Variants in NLGN1 observed in about 807,000 individuals in gnomAD.
The protein encoded by NLGN1 is neuroligin-1.
Under a neutral mutation model 65.5 loss-of-function variants are expected in NLGN1, and 12 were observed. The ratio of observed to expected loss-of-function variants is 0.18; its 90% CI spans 0.12 to 0.30. The LOEUF is 0.30. NLGN1 is among the 10% of genes least tolerant of loss of function. The probability of loss-of-function intolerance (pLI) is 1.00; values close to 1 mark genes in which losing one functional copy is unlikely to be tolerated. For missense variants in NLGN1, 750 were observed against 1,007.1 expected, an observed-to-expected ratio of 0.74 and a Z score of 3.46; for synonymous variants, 350 against 359.5, an observed-to-expected ratio of 0.97 and a Z score of 0.30.
At chr3:174,088,550 A>G (rs1007181959) in intron 4 of NLGN1, among the ~76,000 whole-genome samples, 8 of 151,914 alleles carry the variant, frequency 5.3e-5, no homozygotes, top group African/African-American at 1.9e-4. Flanking sequence ...AGGTCGGGAG[A>G]TTGAGACCAT....
At chr3:173,900,908 A>G (rs1281782525) in intron 4 of NLGN1, among the ~76,000 whole-genome samples, 1 of 152,034 alleles carries the variant, frequency 6.6e-6, no homozygotes, top group Non-Finnish European at 1.5e-5. Flanking sequence ...ACTAGCAATT[A>G]TGAAATGACG....
chr3:173,901,774 T>A (rs1047199536), intron 4 of NLGN1, among the ~76,000 whole-genome samples: 4 of 152,050 alleles, frequency 2.6e-5, no homozygotes, highest in Admixed American at 2.6e-4. Flanking sequence ...GCTGTTGAAT[T>A]TTATTGATTT....
At chr3:174,076,720 AGAGAGTGTGTGTGTGT>A (rs1741050544) in intron 4 of NLGN1, among the ~76,000 whole-genome samples, 2 of 114,838 alleles carry the variant, frequency 1.7e-5, no homozygotes, top group African/African-American at 8.1e-5. Context: ...AGAGAGAGAG[AGAGAGTGTGTGTGTGT>A]GTGTGTGTGT....
At chr3:174,125,248 G>C (rs536828958) in intron 4 of NLGN1, among the ~76,000 whole-genome samples, 1 of 152,206 alleles carries the variant, frequency 6.6e-6, no homozygotes, top group South Asian at 2.1e-4. Context: ...TGAAGAAAAA[G>C]AAAGTAAGAC....
intron 4 of NLGN1, among the ~76,000 whole-genome samples, chr3:173,898,166 T>G (rs1019978451): frequency 2.0e-5 from 3 of 152,218 alleles, no homozygotes; most frequent in Non-Finnish European, 4.4e-5. Context: ...AGACCTTGAA[T>G]TGTAAGTTGT....
At chr3:174,021,214 A>T (rs1193565927) in intron 4 of NLGN1, among the ~76,000 whole-genome samples, 1 of 152,052 alleles carries the variant, frequency 6.6e-6, no homozygotes, top group Non-Finnish European at 1.5e-5. Context: ...AGCTAAATAT[A>T]TTAGCTGGCT....
intron 2 of NLGN1, among the ~76,000 whole-genome samples, chr3:173,578,018 C>G (rs143734149): frequency 1.3e-5 from 2 of 152,016 alleles, no homozygotes; most frequent in African/African-American, 4.8e-5. Context: ...AGGTGGATCA[C>G]GAGGTCAGGA....
At chr3:174,077,542 CTTTCT>C (rs1317051137) in intron 4 of NLGN1, among the ~76,000 whole-genome samples, 1 of 151,258 alleles carries the variant, frequency 6.6e-6, no homozygotes, top group African/African-American at 2.4e-5. Flanking sequence ...TTCTTTCTTT[CTTTCT>C]TTTCTTTTTA....
intron 4 of NLGN1, among the ~76,000 whole-genome samples, chr3:173,926,159 A>AT (rs1013397532): frequency 3.6e-4 from 55 of 151,158 alleles, no homozygotes; most frequent in East Asian, 3.5e-3. Flanking sequence ...TTTAAATAGT[A>AT]TTTTTTTTTC....
chr3:173,531,771 C>T (rs1736615988), intron 2 of NLGN1, among the ~76,000 whole-genome samples: 1 of 152,092 alleles, frequency 6.6e-6, no homozygotes, highest in Admixed American at 6.6e-5. Flanking sequence ...AAAGCTCTAC[C>T]TTACATTTGA....
intron 2 of NLGN1, among the ~76,000 whole-genome samples, chr3:173,477,147 G>A (rs1239543432): frequency 6.6e-6 from 1 of 152,110 alleles, no homozygotes; most frequent in African/African-American, 2.4e-5. Flanking sequence ...GTCATTTCTA[G>A]TAACAATGTA....
downstream of NLGN1, among the ~76,000 whole-genome samples, chr3:174,289,621 C>T (rs557396310): frequency 1.8e-3 from 276 of 151,222 alleles, 3 homozygotes; most frequent in Middle Eastern, 0.02. Flanking sequence ...AAATAATTCT[C>T]ACACCAATCA....
At chr3:174,082,270 T>C (rs1306429679) in intron 4 of NLGN1, among the ~76,000 whole-genome samples, 1 of 152,178 alleles carries the variant, frequency 6.6e-6, no homozygotes, top group Non-Finnish European at 1.5e-5. Context: ...TTGACATGAC[T>C]ACCCAGCACT....
At chr3:173,562,393 C>T (rs1225419268) in intron 2 of NLGN1, among the ~76,000 whole-genome samples, 1 of 151,978 alleles carries the variant, frequency 6.6e-6, no homozygotes, top group East Asian at 1.9e-4. Flanking sequence ...ATGGTGAAAC[C>T]TCTTCTCTAT....
At chr3:173,708,246 A>G (rs1768363314) in intron 3 of NLGN1, among the ~76,000 whole-genome samples, 1 of 152,140 alleles carries the variant, frequency 6.6e-6, no homozygotes, top group South Asian at 2.1e-4. Context: ...AATGACCCAG[A>G]AGCCCAGGTT....
intron 3 of NLGN1, among the ~76,000 whole-genome samples, chr3:173,641,203 T>C (rs192399519): frequency 6.6e-6 from 1 of 152,216 alleles, no homozygotes; most frequent in Non-Finnish European, 1.5e-5. Flanking sequence ...AATTTTGTTA[T>C]AGTAAATTAA....
intron 4 of NLGN1, among the ~76,000 whole-genome samples, chr3:173,817,174 G>A (rs1320908938): frequency 6.6e-6 from 1 of 152,160 alleles, no homozygotes; most frequent in East Asian, 1.9e-4. Flanking sequence ...GGAAGGAAAC[G>A]GTTTTGCATG....
chr3:173,708,480 C>G (rs183569903), intron 3 of NLGN1, among the ~76,000 whole-genome samples: 2 of 152,118 alleles, frequency 1.3e-5, no homozygotes, highest in African/African-American at 4.8e-5. Context: ...GGTCTAGGGA[C>G]GCACACTAGT....
intron 2 of NLGN1, among the ~76,000 whole-genome samples, chr3:173,588,856 A>G (rs116395457): frequency 1.3e-5 from 2 of 152,298 alleles, no homozygotes; most frequent in Non-Finnish European, 1.5e-5. Context: ...TTCTTCCTAT[A>G]TATAGCAACA....
Sources: gnomAD v4.1 joint callset for allele counts (sites outside exome capture counted in the v4.1 genomes callset) on GRCh38, gnomAD v4.1.1 for gene constraint, MANE v1.5 for transcripts, NCBI Gene and HGNC (gene_info 2026-07-23, HGNC 2026-07-21) for gene names.